FAAP100: variants seen among roughly 807,000 people sequenced by gnomAD.
FAAP100 encodes Fanconi anemia core complex-associated protein 100.
FAAP100 carries 46 observed loss-of-function variants against 65.8 expected under a neutral mutation model. That is an observed-to-expected ratio of 0.70 (90% CI 0.55 to 0.89). The LOEUF (loss-of-function observed/expected upper bound fraction) is 0.89. Among genes scored for constraint, FAAP100 ranks in the 40% least tolerant of loss-of-function variants. The pLI, the probability that FAAP100 is intolerant of heterozygous loss-of-function variation, is 0.00. For synonymous variants in FAAP100, 663 were observed against 555.1 expected (o/e 1.19, Z -2.73); for missense variants, 1,165 against 1,196.7 (o/e 0.97, Z 0.39).
rs754205747 is a variant in FAAP100, at chr17:81,545,768, T to A, written c.2288A>T (p.Asn763Ile). Residue 763 changes from asparagine (N) to isoleucine (I), a missense_variant, in exon 6 of 9, where the codon AAC becomes ATC. Physicochemically the swap from Asn to Ile is moderately radical, Grantham distance 149. Transcript: ENST00000327787. ...TGCCTCTCGGACGATGAGGTGAACG[T>A]TGGCGCCATCAGGGGCCACTCCCTG... ...SIQGVAPDGA[N>I]VHLIVREVAM... is the part of the protein sequence containing the mutation. The A allele has an allele frequency of 1.4e-5, 23 of 1,612,116 alleles. No individual in the cohort carries two copies. The South Asian group carries it at 2.5e-4, about 18-fold the overall frequency.
intron 6 of FAAP100, 128 bp from the exon 7 acceptor site, chr17:81,544,248 G>A (rs2033216955): frequency 4.5e-5 from 32 of 715,174 alleles, no homozygotes; most frequent in South Asian, 3.4e-5. Context: ...CCCCTGCCCT[G>A]GGCTGTCCTA....
chr17:81,547,149 G>C lies in FAAP100; in HGVS notation c.1933C>G (p.His645Asp). 6.5e-7 allele frequency: 1 copy of C among 1,538,742 alleles called. No individual in the cohort carries two copies. Among genetic ancestry groups the C allele is most frequent in the Non-Finnish European group, 8.8e-7 (1 of 1,141,432 alleles). The change falls in exon 5 of 9, where the codon CAC becomes GAC. Residue 645 changes from histidine to aspartate, a missense_variant. Transcript: ENST00000327787. ...AGACACTGCAGCATGTCCACTGTGT[G>C]CCTGCTCAGGGGCAGGCAAACACCC... ...QEGVCLPLSRHTVDMLQCLRF... is the reference protein window; with the variant it reads ...QEGVCLPLSRDTVDMLQCLRF...
chr17:81,547,325 G>C lies in FAAP100; in HGVS notation c.1757C>G (p.Pro586Arg). ...CAGGTCGAGCCCGCCGTTCTCACCA[G>C]GGCCCAGGGGTAGCGTCACCTCCCG... ...ARREVTLPLG[P>R]GENGGLDLPV... The change falls in exon 5 of 9, where the codon CCT becomes CGT. Residue 586 changes from proline (P) to arginine (R), a missense_variant. Coordinates refer to ENST00000327787, the MANE Select transcript of FAAP100 (RefSeq NM_025161.6). The C allele has an allele frequency of 6.2e-7, 1 of 1,612,624 alleles. No individual in the cohort carries two copies. The highest frequency in any genetic ancestry group is 2.2e-5 in the East Asian group (1 of 44,878).
chr17:81,540,683 G>C lies in FAAP100; in HGVS notation c.*136C>G, dbSNP rs1264821741. ...CTCCAAGCACTTTCATGAGCGTTCT[G>C]CTCCTACGTGGCCAGGTCCTACCTT... On this transcript the variant is annotated 3_prime_UTR_variant, in exon 9 of 9. Coordinates refer to ENST00000327787, the MANE Select transcript of FAAP100 (RefSeq NM_025161.6). 12 of 1,181,360 alleles carry C rather than the reference G, an allele frequency of 1.0e-5. No individual in the cohort carries two copies. Among genetic ancestry groups the C allele is most frequent in the South Asian group, 7.4e-5 (4 of 53,706 alleles). The allele number at this position is 1,181,360 out of a possible 1,614,324, so 73.2% of individuals were successfully genotyped here. A position where few individuals can be genotyped will look rare whatever the true frequency, so the allele number is the denominator to read the frequency against.
chr17:81,541,481 AGCTGCCTGGT>A, intron 7 of FAAP100, 86 bp from the exon 8 acceptor site: 1 of 1,178,490 alleles, frequency 8.5e-7, no homozygotes, highest in Non-Finnish European at 1.2e-6. Context: ...CTCTCCCTCG[AGCTGCCTGGT>A]GCTGCCTCCC....
chr17:81,550,756 A>C lies in FAAP100; in HGVS notation c.738T>G (p.Pro246=), dbSNP rs2033460937. ...GGATCACACAGCAGAGCTGGCCATC[A>C]GGGAGACCACAGAGGACCACAGGTG... ...LQSPVVLCGL[P]DGQLCCVILK... The change falls in exon 3 of 9, where the codon CCT becomes CCG. Residue 246 remains proline (P), a synonymous_variant. Transcript: ENST00000327787. The C allele has an allele frequency of 1.2e-6, 2 of 1,612,428 alleles. No homozygotes were observed. The highest frequency in any genetic ancestry group is 1.7e-6 in the Non-Finnish European group (2 of 1,179,642).
Position 81,540,170 on chromosome 17 carries a change from C to G in FAAP100, c.*649G>C, listed in dbSNP as rs533658692. 1 of 398,898 alleles carries G rather than the reference C, an allele frequency of 2.5e-6. No homozygotes were observed. The allele number at this position is 398,898 out of a possible 1,614,324, so 24.7% of individuals were successfully genotyped here. ...GGAGGCACCTAGTTGTTGAGCATTC[C>G]GGCCACAGGCCACCCGCTGGCCCTT... On this transcript the variant is annotated 3_prime_UTR_variant, in exon 9 of 9. Coordinates refer to ENST00000327787, the MANE Select transcript of FAAP100 (RefSeq NM_025161.6).
upstream of FAAP100, chr17:81,552,364 G>A (rs528542905): frequency 1.5e-6 from 2 of 1,311,896 alleles, no homozygotes; most frequent in African/African-American, 1.6e-5. Context: ...GAGAAGCCCC[G>A]GCCGCGCGGC....
intron 8 of FAAP100, 27 bp downstream of exon 8, chr17:81,541,282 G>T: frequency 6.3e-7 from 1 of 1,592,948 alleles, no homozygotes; most frequent in South Asian, 1.1e-5. Context: ...CAGGGGAAGG[G>T]GACTGCCCGG....
chr17:81,548,238 G>A (rs367618864), intron 4 of FAAP100: 26 of 550,380 alleles, frequency 4.7e-5, no homozygotes, highest in African/African-American at 1.1e-4. Context: ...CTCTCTGAAC[G>A]TCCCGAAGCC....
Position 81,550,861 on chromosome 17 carries a change from G to A in FAAP100, c.633C>T (p.Leu211=), listed in dbSNP as rs771923357. The stretch of plus-strand genomic sequence containing the variant: ...GCGTGAAGCCCCCGGAGCCCCCGAG[G>A]AGGTCGTGCGGGACCCTGGAGCCTG... ...SPSGSRVPHD[L]LGGSGGFTLE... is the part of the protein sequence containing the mutation. Residue 211 remains leucine, a synonymous_variant, in exon 3 of 9, where the codon CTC becomes CTT. Transcript: ENST00000327787. 3 of 1,612,306 alleles carry A rather than the reference G, an allele frequency of 1.9e-6. No homozygotes were observed. The highest frequency in any genetic ancestry group is 2.5e-6 in the Non-Finnish European group (3 of 1,179,724).
rs761130728 is a variant in FAAP100, at chr17:81,551,028, C to G, written c.466G>C (p.Glu156Gln). The change falls in exon 3 of 9, where the codon GAG (glutamate) becomes CAG (glutamine). Residue 156 changes from glutamate to glutamine, a missense_variant. Coordinates refer to ENST00000327787, the MANE Select transcript of FAAP100 (RefSeq NM_025161.6). ...GGGTCCTCCCCAGGACAGGGCTGCTCAAACAGCTGCATCTTCCATCGGGCA... is the reference window on the plus strand; with the variant it reads ...GGGTCCTCCCCAGGACAGGGCTGCTGAAACAGCTGCATCTTCCATCGGGCA... ...GPARWKMQLF[E>Q]QPCPGEDPRP... is the part of the protein sequence containing the mutation. 5 of 1,610,012 alleles carry G rather than the reference C, an allele frequency of 3.1e-6. No individual in the cohort carries two copies. The Admixed American group carries it at 5.0e-5, about 16-fold the overall frequency.
chr17:81,547,180 C>T lies in FAAP100; in HGVS notation c.1902G>A (p.Glu634=), dbSNP rs1194521112. 5.2e-6 allele frequency: 8 copies of T among 1,551,204 alleles called. No individual in the cohort carries two copies. The highest frequency in any genetic ancestry group is 6.1e-6 in the Non-Finnish European group (7 of 1,146,266). The change falls in exon 5 of 9, where the codon GAG becomes GAA. Residue 634 remains glutamate, a synonymous_variant. Coordinates refer to ENST00000327787, the MANE Select transcript of FAAP100 (RefSeq NM_025161.6). Reference sequence around the variant, plus strand: ...TCAGGGGCAGGCAAACACCCTCTTGCTCGGGCAGGACGTCGGAGGGGCACT... The same window carrying T: ...TCAGGGGCAGGCAAACACCCTCTTGTTCGGGCAGGACGTCGGAGGGGCACT... ...LDECPSDVLP[E]QEGVCLPLSR...
intron 4 of FAAP100, among the ~76,000 whole-genome samples, 164 bp downstream of exon 4, chr17:81,549,042 A>G (rs1485742942): frequency 2.0e-3 from 7 of 3,508 alleles, no homozygotes; most frequent in East Asian, 0.016. Flanking sequence ...TCCGTCTCAG[A>G]AAAAAAAAAA....
At chr17:81,552,491 G>T, upstream of FAAP100, 1 of 610,610 alleles carries the variant, frequency 1.6e-6, no homozygotes. Flanking sequence ...GACTCCGGGA[G>T]CTGGGGCGGT....
rs137863957 is a variant in FAAP100 at position 81,550,672 on chromosome 17, G to A, written c.822C>T (p.Ile274=). ...APGDPNALVK[I]LHHLEEPVIF... is the part of the protein sequence containing the mutation. Reference sequence around the variant, plus strand: ...TGACGGGCTCCTCCAGGTGATGGAGGATCTTGACAAGGGCATTTGGGTCAC... The same window carrying A: ...TGACGGGCTCCTCCAGGTGATGGAGAATCTTGACAAGGGCATTTGGGTCAC... The change falls in exon 3 of 9, where the codon ATC becomes ATT. Residue 274 remains isoleucine (I), a synonymous_variant. Transcript: ENST00000327787. The A allele has an allele frequency of 9.3e-6, 15 of 1,612,970 alleles. No individual in the cohort carries two copies. The South Asian group carries it at 9.9e-5, about 11-fold the overall frequency.
At chr17:81,548,268 C>T (rs1375517370) in intron 4 of FAAP100, 5 of 506,874 alleles carry the variant, frequency 9.9e-6, no homozygotes, top group African/African-American at 3.8e-5. Context: ...GGAGGAAAAG[C>T]ACACTGGATC....
chr17:81,544,100 G>A lies in FAAP100; in HGVS notation c.2331C>T (p.Cys777=). 6.2e-7 allele frequency: 1 copy of A among 1,612,410 alleles called. No homozygotes were observed. Among genetic ancestry groups the A allele is most frequent in the Non-Finnish European group, 8.5e-7 (1 of 1,179,658 alleles). ...IVREVAMTDL[C]PAGPIQAVEI... The stretch of plus-strand genomic sequence containing the variant: ...CCACGGCCTGGATGGGCCCTGCTGG[G>A]CACAGGTCAGTCATGGCCACCTGCA... Residue 777 remains cysteine (C), a synonymous_variant, in exon 7 of 9, where the codon TGC becomes TGT. Coordinates refer to ENST00000327787, the MANE Select transcript of FAAP100 (RefSeq NM_025161.6).
chr17:81,544,115 G>A lies in FAAP100; in HGVS notation c.2316C>T (p.Ala772=). Residue 772 remains alanine (A), a synonymous_variant, in exon 7 of 9, where the codon GCC becomes GCT. Transcript: ENST00000327787. ...ANVHLIVREV[A]MTDLCPAGPI... The stretch of plus-strand genomic sequence containing the variant: ...GCCCTGCTGGGCACAGGTCAGTCAT[G>A]GCCACCTGCAACACAGGAGCCACCT... 1.2e-6 allele frequency: 2 copies of A among 1,609,248 alleles called. No individual in the cohort carries two copies. The highest frequency in any genetic ancestry group is 8.5e-7 in the Non-Finnish European group (1 of 1,176,866).
Sources: allele counts gnomAD v4.1 joint callset (sites outside exome capture counted in the v4.1 genomes callset), GRCh38; gene constraint gnomAD v4.1.1; transcripts MANE v1.5; gene names NCBI Gene and HGNC (gene_info 2026-07-23, HGNC 2026-07-21).